Variants in NUDCD1 observed in about 807,000 individuals in gnomAD.
NUDCD1 encodes NudC domain containing 1.
NUDCD1 carries 60 observed loss-of-function variants against 67.8 expected under a neutral mutation model. The ratio of observed to expected loss-of-function variants is 0.88; its 90% CI spans 0.72 to 1.10. NUDCD1 has a LOEUF of 1.10. Ranked by LOEUF, NUDCD1 falls within the 50% of genes least tolerant of loss-of-function variation. The pLI is 0.00. For missense variants in NUDCD1, 643 were observed against 695.0 expected, an observed-to-expected ratio of 0.93 and a Z score of 0.84; for synonymous variants, 244 against 230.8, an observed-to-expected ratio of 1.06 and a Z score of -0.52.
At chr8:109,262,777 C>T (rs987787946) in intron 8 of NUDCD1, among the ~76,000 whole-genome samples, 3 of 151,882 alleles carry the variant, frequency 2.0e-5, no homozygotes, top group African/African-American at 7.3e-5. Flanking sequence ...TGAATGTGGC[C>T]GGGTGTGGTA....
intron 2 of NUDCD1, among the ~76,000 whole-genome samples, chr8:109,321,499 C>A (rs1435193041): frequency 6.6e-6 from 1 of 151,498 alleles, no homozygotes; most frequent in East Asian, 1.9e-4. Context: ...GAAATTAAAT[C>A]GAGTTCTAAG....
chr8:109,306,480 T>C (rs1815107102), intron 2 of NUDCD1, among the ~76,000 whole-genome samples: 1 of 151,886 alleles, frequency 6.6e-6, no homozygotes, highest in Non-Finnish European at 1.5e-5. Context: ...CTCTATTTAC[T>C]CACTGCTAAA....
At chr8:109,245,154 C>T (rs1247503851) in intron 9 of NUDCD1, among the ~76,000 whole-genome samples, 168 bp downstream of exon 9, 2 of 152,026 alleles carry the variant, frequency 1.3e-5, no homozygotes, top group African/African-American at 2.4e-5. Context: ...CTAAATGTTC[C>T]AACAGTGCTA....
Position 109,322,300 on chromosome 8 carries a change from T to C in NUDCD1, c.273+9A>G, listed in dbSNP as rs1202348839. The C allele has an allele frequency of 8.4e-6, 12 of 1,431,854 alleles. No homozygotes were observed. Among genetic ancestry groups the C allele is most frequent in the Non-Finnish European group, 1.2e-5 (12 of 1,032,490 alleles). 88.7% of individuals were successfully genotyped at this position (1,431,854 alleles called of 1,614,324 possible). ...CATATATTAATTATTACATACATGT[T>C]TCTCTTACCAGCATTACTGTTAAAT... is the stretch of plus-strand genomic sequence containing the variant. On this transcript the variant is annotated intron_variant, in intron 2 of 9. Coordinates refer to ENST00000239690, the MANE Select transcript of NUDCD1 (RefSeq NM_032869.4).
chr8:109,244,704 A>T (rs537172699), intron 9 of NUDCD1, among the ~76,000 whole-genome samples: 2 of 152,340 alleles, frequency 1.3e-5, no homozygotes, highest in East Asian at 3.9e-4. Context: ...TTTCTGTCAC[A>T]CAATACTAAT....
chr8:109,302,279 C>T (rs1219652216), intron 2 of NUDCD1, among the ~76,000 whole-genome samples: 1 of 152,178 alleles, frequency 6.6e-6, no homozygotes, highest in Non-Finnish European at 1.5e-5. Flanking sequence ...TAATTCTTCT[C>T]ATAAAATGGG....
intron 4 of NUDCD1, among the ~76,000 whole-genome samples, chr8:109,291,225 T>A (rs2980621): frequency 0.63 from 95,615 of 152,070 alleles, 31,290 homozygotes; most frequent in African/African-American, 0.81. Flanking sequence ...GCACGATCAC[T>A]GCTCACTGTA....
chr8:109,313,069 C>T (rs189635991), intron 2 of NUDCD1, among the ~76,000 whole-genome samples: 6 of 152,330 alleles, frequency 3.9e-5, no homozygotes, highest in Admixed American at 6.5e-5. Flanking sequence ...TAAAGCCTCA[C>T]TTTCTTTAAC....
At chr8:109,267,246 C>A (rs928334209) in intron 8 of NUDCD1, among the ~76,000 whole-genome samples, 6 of 152,118 alleles carry the variant, frequency 3.9e-5, no homozygotes, top group African/African-American at 1.4e-4. Flanking sequence ...TAGTTCCCGA[C>A]AGGTAGTTTT....
intron 2 of NUDCD1, chr8:109,298,512 T>G (rs559221661): frequency 1.7e-4 from 26 of 152,288 alleles, no homozygotes; most frequent in Admixed American, 5.2e-4. Flanking sequence ...TATTCCATAT[T>G]CCAGTAGATC....
At chr8:109,285,034 A>T (rs997528711) in intron 5 of NUDCD1, among the ~76,000 whole-genome samples, 9 of 152,014 alleles carry the variant, frequency 5.9e-5, no homozygotes, top group African/African-American at 1.9e-4. Context: ...ACTATTATGA[A>T]GCCCTGTATC....
chr8:109,331,817 T>C (rs962583916), intron 1 of NUDCD1, among the ~76,000 whole-genome samples: 6 of 152,242 alleles, frequency 3.9e-5, no homozygotes, highest in East Asian at 3.8e-4. Flanking sequence ...TGAGTTTTAT[T>C]TTATATTGTA....
chr8:109,251,088 G>A (rs1477289815), intron 8 of NUDCD1, among the ~76,000 whole-genome samples: 2 of 151,920 alleles, frequency 1.3e-5, no homozygotes, highest in Non-Finnish European at 2.9e-5. Flanking sequence ...ATCTGCGGCT[G>A]GAGATTTCTT....
chr8:109,299,710 TACAG>T (rs1179931508), intron 2 of NUDCD1, among the ~76,000 whole-genome samples: 7 of 152,190 alleles, frequency 4.6e-5, no homozygotes, highest in Admixed American at 4.6e-4. Flanking sequence ...TTGGGAGTTC[TACAG>T]CCCCATCCAC....
intron 2 of NUDCD1, among the ~76,000 whole-genome samples, chr8:109,318,377 T>G (rs1293273185): frequency 6.6e-6 from 1 of 152,224 alleles, no homozygotes; most frequent in Admixed American, 6.5e-5. Flanking sequence ...ATGCCCTATT[T>G]GTTAACACAA....
chr8:109,296,516 T>A lies in NUDCD1; in HGVS notation c.327A>T (p.Thr109=). Residue 109 remains threonine (T), a synonymous_variant, in exon 3 of 10, where the codon ACA becomes ACT. Coordinates refer to ENST00000239690, the MANE Select transcript of NUDCD1 (RefSeq NM_032869.4). ...REVFRLPTDL[T]ACDNRLCASI... ...ATGCACAAAGACGGTTGTCACATGC[T>A]GTCAAATCTGTAGGAAGTCGAAACA... 6.2e-7 allele frequency: 1 copy of A among 1,612,264 alleles called. No individual in the cohort carries two copies. The highest frequency in any genetic ancestry group is 1.1e-5 in the South Asian group (1 of 90,774).
At chr8:109,264,929 A>C (rs1241707963) in intron 8 of NUDCD1, among the ~76,000 whole-genome samples, 3 of 151,876 alleles carry the variant, frequency 2.0e-5, no homozygotes, top group Non-Finnish European at 4.4e-5. Context: ...ATTATTTTAA[A>C]ATGAATATTT....
intron 2 of NUDCD1, among the ~76,000 whole-genome samples, chr8:109,321,867 C>T (rs1815548351): frequency 6.6e-6 from 1 of 151,976 alleles, no homozygotes; most frequent in Non-Finnish European, 1.5e-5. Flanking sequence ...ATTCACAGAA[C>T]CTAGAGATAA....
intron 2 of NUDCD1, among the ~76,000 whole-genome samples, chr8:109,307,279 T>C (rs971868041): frequency 2.0e-5 from 3 of 152,232 alleles, no homozygotes; most frequent in Admixed American, 2.0e-4. Context: ...TGTAATATTC[T>C]CTATGCCCTT....
Sources: allele counts gnomAD v4.1 joint callset (sites outside exome capture counted in the v4.1 genomes callset), GRCh38; gene constraint gnomAD v4.1.1; transcripts MANE v1.5; gene names NCBI Gene and HGNC (gene_info 2026-07-23, HGNC 2026-07-21).